The following GRID2 variants were observed in gnomAD, a reference collection of about 807,000 sequenced individuals.
GRID2 encodes the protein glutamate receptor ionotropic, delta-2.
In GRID2, 33 loss-of-function variants were observed where a neutral mutation model predicts 114.8. The observed-to-expected ratio is 0.29, with a 90% CI of 0.22 to 0.38. The LOEUF is 0.38. GRID2 is among the 10% of genes least tolerant of loss of function. The pLI is 1.00. For synonymous variants in GRID2, 505 were observed against 449.9 expected, an observed-to-expected ratio of 1.12 and a Z score of -1.55; for missense variants, 1,184 against 1,257.7, an observed-to-expected ratio of 0.94 and a Z score of 0.89.
At position 92,933,162 on chromosome 4, in the gene GRID2, C is replaced by CAT. The variant is rs200788632; in HGVS notation, c.245-151832_245-151831insTA. On this transcript the variant is annotated intron_variant, in intron 2 of 15. Transcript: ENST00000282020. ...CAATTTTATACATTATATATATATACACATATATATATGTAATGTTTCCCT... is the reference window on the plus strand; with the variant it reads ...CAATTTTATACATTATATATATATACATACATATATATATGTAATGTTTCCCT... 9.1e-3 allele frequency among the ~76,000 whole-genome samples: 1,354 copies of CAT among 149,594 alleles called. 10 individuals are homozygous for CAT. Among genetic ancestry groups the CAT allele is most frequent in the Middle Eastern group, 0.017 (5 of 288 alleles).
At chr4:92,875,749 T>C (rs923308632) in intron 2 of GRID2, among the ~76,000 whole-genome samples, 1 of 152,192 alleles carries the variant, frequency 6.6e-6, no homozygotes, top group African/African-American at 2.4e-5. Flanking sequence ...AAATGAATTA[T>C]TCTAAATCAT....
intron 2 of GRID2, among the ~76,000 whole-genome samples, chr4:93,061,893 A>G (rs757265011): frequency 1.3e-5 from 2 of 152,152 alleles, no homozygotes; most frequent in Non-Finnish European, 2.9e-5. Flanking sequence ...AGGAATCCGT[A>G]AATGCCAGGT....
intron 10 of GRID2, among the ~76,000 whole-genome samples, chr4:93,434,764 CCACT>C (rs1265040532): frequency 6.6e-6 from 1 of 152,046 alleles, no homozygotes; most frequent in Non-Finnish European, 1.5e-5. Flanking sequence ...GGTTTCCATC[CCACT>C]CAGAGTAAAA....
intron 14 of GRID2, among the ~76,000 whole-genome samples, chr4:93,703,619 A>C: frequency 6.7e-6 from 1 of 149,132 alleles, no homozygotes; most frequent in African/African-American, 2.4e-5. Context: ...AACATTAGGT[A>C]TATCTCCTAA....
intron 13 of GRID2, among the ~76,000 whole-genome samples, chr4:93,617,944 A>G (rs924662791): frequency 5.9e-5 from 9 of 152,090 alleles, no homozygotes; most frequent in Non-Finnish European, 1.3e-4. Flanking sequence ...TGTTGCTTTC[A>G]GCTATTTTTT....
chr4:92,442,030 G>T (rs1303950737), intron 1 of GRID2, among the ~76,000 whole-genome samples: 1 of 151,680 alleles, frequency 6.6e-6, no homozygotes, highest in Non-Finnish European at 1.5e-5. Context: ...GTTGTAAGAG[G>T]TTTAGAAGCC....
chr4:92,318,358 T>G (rs1436307361), intron 1 of GRID2, among the ~76,000 whole-genome samples: 1 of 146,208 alleles, frequency 6.8e-6, no homozygotes, highest in East Asian at 2.0e-4. Context: ...GTTACTCTGC[T>G]CACAGAGAAA....
intron 2 of GRID2, among the ~76,000 whole-genome samples, chr4:93,055,317 G>T (rs747017007): frequency 6.6e-6 from 1 of 151,796 alleles, no homozygotes; most frequent in East Asian, 1.9e-4. Context: ...TGACAAAGCA[G>T]TGCTGGGTTT....
chr4:92,762,908 G>C (rs998026992), intron 2 of GRID2, among the ~76,000 whole-genome samples: 1 of 152,116 alleles, frequency 6.6e-6, no homozygotes, highest in Non-Finnish European at 1.5e-5. Flanking sequence ...GCTTTACTCT[G>C]ATGTTTTCCA....
intron 4 of GRID2, among the ~76,000 whole-genome samples, chr4:93,149,271 G>C (rs1736524366): frequency 6.6e-6 from 1 of 152,192 alleles, no homozygotes; most frequent in East Asian, 1.9e-4. Context: ...TTCAAATATT[G>C]TCTTATAAGT....
At position 93,735,902 on chromosome 4, in the gene GRID2, A is replaced by C. The variant is rs1415206379; in HGVS notation, c.2361-33308A>C. ...TCTTCATGATGACATCAACTGACAT[A>C]TGCCTAGCATTCTGTGTACTATGCA... On this transcript the variant is annotated intron_variant, in intron 14 of 15. Coordinates refer to ENST00000282020, the MANE Select transcript of GRID2 (RefSeq NM_001510.4). 2.0e-5 allele frequency among the ~76,000 whole-genome samples: 3 copies of C among 151,994 alleles called. No homozygotes were observed. In the East Asian group the frequency reaches 5.8e-4, roughly 29 times the overall value.
chr4:93,759,095 A>G (rs1732996775), intron 14 of GRID2, among the ~76,000 whole-genome samples: 2 of 152,244 alleles, frequency 1.3e-5, no homozygotes, highest in South Asian at 4.1e-4. Context: ...ATGAAAGATC[A>G]TGTCTGCCAT....
At chr4:93,572,801 T>C (rs1312516396) in intron 13 of GRID2, among the ~76,000 whole-genome samples, 1 of 152,024 alleles carries the variant, frequency 6.6e-6, no homozygotes, top group Admixed American at 6.6e-5. Flanking sequence ...GGTCAGAATA[T>C]GGAGAGAGGG....
At chr4:93,059,060 A>G (rs972445708) in intron 2 of GRID2, among the ~76,000 whole-genome samples, 18 of 152,154 alleles carry the variant, frequency 1.2e-4, no homozygotes, top group South Asian at 4.1e-4. Flanking sequence ...TTCTATCTCT[A>G]GAAACACCAG....
At chr4:92,315,765 G>A (rs1428109912) in intron 1 of GRID2, among the ~76,000 whole-genome samples, 2 of 151,994 alleles carry the variant, frequency 1.3e-5, no homozygotes, top group East Asian at 3.9e-4. Flanking sequence ...GAGGTCAGGA[G>A]TTCAAGATCA....
At chr4:93,334,611 C>G (rs959416707) in intron 8 of GRID2, among the ~76,000 whole-genome samples, 1 of 152,272 alleles carries the variant, frequency 6.6e-6, no homozygotes, top group African/African-American at 2.4e-5. Context: ...TTAAGAAGAA[C>G]AAACAAAAGT....
chr4:93,580,217 T>C (rs1736831407), intron 13 of GRID2, among the ~76,000 whole-genome samples: 1 of 152,192 alleles, frequency 6.6e-6, no homozygotes, highest in South Asian at 2.1e-4. Flanking sequence ...TCTCTAGAAC[T>C]TCTAGAATGA....
intron 2 of GRID2, among the ~76,000 whole-genome samples, chr4:92,744,799 T>A (rs1175024068): frequency 6.6e-6 from 1 of 152,206 alleles, no homozygotes; most frequent in Non-Finnish European, 1.5e-5. Context: ...TACTGTATAA[T>A]GTTTTGTAAA....
intron 14 of GRID2, among the ~76,000 whole-genome samples, chr4:93,665,990 A>T (rs892322726): frequency 6.6e-6 from 1 of 152,106 alleles, no homozygotes; most frequent in Admixed American, 6.6e-5. Context: ...GAATCGGTTG[A>T]GTAGTAGAGC....
Sources: allele counts gnomAD v4.1 joint callset (sites outside exome capture counted in the v4.1 genomes callset), GRCh38; gene constraint gnomAD v4.1.1; transcripts MANE v1.5; gene names NCBI Gene and HGNC (gene_info 2026-07-23, HGNC 2026-07-21).